The following RBPJ variants were observed in gnomAD, a reference collection of about 807,000 sequenced individuals.
The protein encoded by RBPJ is recombination signal binding protein for immunoglobulin kappa J region, also known as recombining binding protein suppressor of hairless.
RBPJ carries 9 observed loss-of-function variants against 67.8 expected under a neutral mutation model. The observed-to-expected ratio is 0.13, with a 90% confidence interval of 0.08 to 0.23. RBPJ has a LOEUF of 0.23. Ranked by LOEUF, RBPJ falls within the 10% of genes least tolerant of loss-of-function variation. RBPJ has a pLI of 1.00. For synonymous variants in RBPJ, 198 were observed against 203.3 expected, an observed-to-expected ratio of 0.97 and a Z score of 0.22; for missense variants, 305 against 595.6, an observed-to-expected ratio of 0.51 and a Z score of 5.08.
intron 1 of RBPJ, among the ~76,000 whole-genome samples, chr4:26,215,845 A>T (rs1002429272): frequency 3.3e-5 from 5 of 151,744 alleles, no homozygotes; most frequent in African/African-American, 1.2e-4. Flanking sequence ...CTCTGGATTG[A>T]ATTTGTTCAG....
intron 2 of RBPJ, among the ~76,000 whole-genome samples, chr4:26,389,099 C>CA (rs1289791243): frequency 1.3e-5 from 2 of 151,580 alleles, no homozygotes; most frequent in African/African-American, 4.8e-5. Context: ...AGTTGTGGCA[C>CA]GTGCCTGTAG....
intron 1 of RBPJ, among the ~76,000 whole-genome samples, chr4:26,360,443 G>A (rs1160869506): frequency 6.6e-6 from 1 of 152,150 alleles, no homozygotes; most frequent in Non-Finnish European, 1.5e-5. Flanking sequence ...AGTTTCTAGT[G>A]CCTATTGTGT....
chr4:26,268,639 T>C (rs796409552), intron 1 of RBPJ, among the ~76,000 whole-genome samples: 11 of 152,318 alleles, frequency 7.2e-5, no homozygotes, highest in African/African-American at 2.4e-4. Flanking sequence ...CTCAGCATCA[T>C]TGTCAAACAG....
At chr4:26,217,584 C>T (rs1425466717) in intron 1 of RBPJ, among the ~76,000 whole-genome samples, 1 of 152,126 alleles carries the variant, frequency 6.6e-6, no homozygotes, top group Non-Finnish European at 1.5e-5. Flanking sequence ...AGCAGCTACC[C>T]CAGGGTTCAG....
At chr4:26,109,446 CTCTCTCTCTCTCTCTATATATA>C in the RBPJ span, among the ~76,000 whole-genome samples, 30 of 27,512 alleles carry the variant, frequency 1.1e-3, 1 homozygote, top group Admixed American at 6.5e-3. Context: ...CTCTCTCTCT[CTCTCTCTCTCTCTCTATATATA>C]TATATATATA....
At chr4:26,428,008 T>G (rs1248767675) in intron 7 of RBPJ, among the ~76,000 whole-genome samples, 1 of 152,198 alleles carries the variant, frequency 6.6e-6, no homozygotes, top group Admixed American at 6.5e-5. Context: ...GTTATAAGCT[T>G]TAGAGATCAG....
chr4:26,366,544 C>G (rs1728646118), intron 1 of RBPJ, among the ~76,000 whole-genome samples: 1 of 152,106 alleles, frequency 6.6e-6, no homozygotes, highest in Non-Finnish European at 1.5e-5. Context: ...TCTGCCCCAG[C>G]CTCCTGAGTA....
At chr4:26,322,431 C>T (rs1723183650) in intron 1 of RBPJ, 1 of 151,994 alleles carries the variant, frequency 6.6e-6, no homozygotes, top group Admixed American at 6.6e-5. Flanking sequence ...AGAGGCATTC[C>T]GCTTGGGAAT....
At chr4:26,226,136 G>A (rs540733803) in intron 1 of RBPJ, among the ~76,000 whole-genome samples, 232 of 143,472 alleles carry the variant, frequency 1.6e-3, no homozygotes, top group African/African-American at 5.4e-3. Context: ...GTGACAGAGC[G>A]AGACTCTGTC....
chr4:26,386,413 T>C (rs749502784), intron 2 of RBPJ, 22 bp downstream of exon 2: 1 of 1,513,924 alleles, frequency 6.6e-7, no homozygotes, highest in East Asian at 2.3e-5. Flanking sequence ...ATTAGTCAGC[T>C]TTTTACACAT....
At chr4:26,266,143 T>A (rs868119742) in intron 1 of RBPJ, among the ~76,000 whole-genome samples, 1 of 152,180 alleles carries the variant, frequency 6.6e-6, no homozygotes, top group Non-Finnish European at 1.5e-5. Flanking sequence ...AGGTTCTTTT[T>A]CCCTGGCAGA....
the RBPJ span, among the ~76,000 whole-genome samples, chr4:26,152,150 T>C: frequency 6.6e-6 from 1 of 152,342 alleles, no homozygotes; most frequent in African/African-American, 2.4e-5. Context: ...TACAATTTTC[T>C]TCCTTTCAAT....
In RBPJ at chr4:26,176,297, G is replaced by T. The variant is rs181727430; in HGVS notation, c.-167+12683G>T. On this transcript the variant is annotated intron_variant, in intron 1 of 4. Coordinates refer to the RBPJ transcript ENST00000512351. The stretch of plus-strand genomic sequence containing the variant: ...GGAAGATGGGTCTTATGGAGACAAA[G>T]CAACTTGCTTGTGAGTGATAGAGCG... Among the ~76,000 whole-genome samples the T allele has an allele frequency of 7.9e-4, 121 of 152,278 alleles. 2 individuals are homozygous for T. The East Asian group carries it at 0.02, about 26-fold the overall frequency.
At chr4:26,254,273 C>A (rs1265931736) in intron 1 of RBPJ, among the ~76,000 whole-genome samples, 2 of 149,094 alleles carry the variant, frequency 1.3e-5, no homozygotes, top group Non-Finnish European at 2.9e-5. Flanking sequence ...TCAATTCTTG[C>A]CTGTGGATTA....
At chr4:26,319,776 G>T, upstream of RBPJ, 1 of 1,178,570 alleles carries the variant, frequency 8.5e-7, no homozygotes, top group Non-Finnish European at 1.3e-6. Context: ...AACAGGTTTC[G>T]GGCGGCGAAT....
At chr4:26,215,563 C>CT (rs1454667686) in intron 1 of RBPJ, among the ~76,000 whole-genome samples, 1 of 152,058 alleles carries the variant, frequency 6.6e-6, no homozygotes, top group African/African-American at 2.4e-5. Flanking sequence ...CTGAAATGTG[C>CT]TTTTTAAATT....
At chr4:26,121,026 G>GGAA in the RBPJ span, among the ~76,000 whole-genome samples, 1 of 151,682 alleles carries the variant, frequency 6.6e-6, no homozygotes, top group African/African-American at 2.4e-5. Context: ...GGGGTAGGGG[G>GGAA]AGAAGCAGAG....
chr4:26,196,548 T>C (rs1400018169), intron 1 of RBPJ, among the ~76,000 whole-genome samples: 2 of 152,216 alleles, frequency 1.3e-5, no homozygotes, highest in Non-Finnish European at 2.9e-5. Flanking sequence ...AACCTATGAA[T>C]TGCTTACTGT....
intron 1 of RBPJ, among the ~76,000 whole-genome samples, chr4:26,244,769 C>T (rs1719871216): frequency 6.6e-6 from 1 of 151,872 alleles, no homozygotes; most frequent in South Asian, 2.1e-4. Flanking sequence ...GGATTACAGG[C>T]ACACACCACT....
Sources: gnomAD v4.1 joint callset for allele counts (sites outside exome capture counted in the v4.1 genomes callset) on GRCh38, gnomAD v4.1.1 for gene constraint, MANE v1.5 for transcripts, NCBI Gene and HGNC (gene_info 2026-07-23, HGNC 2026-07-21) for gene names.